DDX1: variants seen among roughly 807,000 people sequenced by gnomAD.
DDX1 encodes the protein DEAD-box helicase 1, also known as ATP-dependent RNA helicase DDX1.
DDX1 carries 28 observed loss-of-function variants against 108.7 expected under a neutral mutation model. That is an observed-to-expected ratio of 0.26 (90% CI 0.19 to 0.35). The LOEUF is 0.35. Ranked by LOEUF, DDX1 falls within the 10% of genes least tolerant of loss-of-function variation. DDX1 has a pLI of 1.00. For missense variants in DDX1, 710 were observed against 884.5 expected, an observed-to-expected ratio of 0.80 and a Z score of 2.50; for synonymous variants, 295 against 288.9, an observed-to-expected ratio of 1.02 and a Z score of -0.21.
intron 13 of DDX1, among the ~76,000 whole-genome samples, chr2:15,612,242 T>C (rs1399742458): frequency 6.7e-6 from 1 of 149,892 alleles, no homozygotes; most frequent in Non-Finnish European, 1.5e-5. Flanking sequence ...CGCTCCTCAC[T>C]TCTCAGACGG....
chr2:15,621,947 C>T (rs574337743), intron 18 of DDX1, among the ~76,000 whole-genome samples: 72 of 152,340 alleles, frequency 4.7e-4, no homozygotes, highest in African/African-American at 1.6e-3. Flanking sequence ...AGCCACTGCA[C>T]CCAGCCACAA....
chr2:15,593,599 G>T (rs10169288), intron 1 of DDX1, among the ~76,000 whole-genome samples: 1 of 151,984 alleles, frequency 6.6e-6, no homozygotes, highest in East Asian at 1.9e-4. Flanking sequence ...ATTTTGCAAA[G>T]AGCTTCAGCT....
rs1665534322 is a variant in DDX1, at chr2:15,598,333, A to G, written c.259+862A>G. On this transcript the variant is annotated intron_variant, in intron 5 of 25. Transcript: ENST00000233084. ...ATGTAACTATTTACACTATTGGCCT[A>G]TTCTAAAATAGTTTCAGAATTTGTA... is the stretch of plus-strand genomic sequence containing the variant. Among the ~76,000 whole-genome samples the G allele has an allele frequency of 4.6e-5, 7 of 152,324 alleles. No homozygotes were observed. In the South Asian group the frequency reaches 1.4e-3, roughly 32 times the overall value.
chr2:15,610,304 C>T (rs985593435), intron 13 of DDX1, among the ~76,000 whole-genome samples: 2 of 152,104 alleles, frequency 1.3e-5, no homozygotes, highest in African/African-American at 2.4e-5. Context: ...TCTCTTTTGT[C>T]ATGGTGTTTT....
chr2:15,611,497 G>A (rs1447637101), intron 13 of DDX1, among the ~76,000 whole-genome samples: 2 of 144,048 alleles, frequency 1.4e-5, no homozygotes, highest in South Asian at 2.3e-4. Context: ...GGACGGGGCG[G>A]CTGGCCGGGC....
chr2:15,592,114 G>T (rs73915402), intron 1 of DDX1, among the ~76,000 whole-genome samples, 165 bp downstream of exon 1: 2 of 152,138 alleles, frequency 1.3e-5, no homozygotes, highest in African/African-American at 4.8e-5. Flanking sequence ...GATCAGGGGC[G>T]GCCGCGGCTC....
chr2:15,620,109 A>G, intron 16 of DDX1, 99 bp from the exon 17 acceptor site: 1 of 1,079,964 alleles, frequency 9.3e-7, no homozygotes, highest in Non-Finnish European at 1.4e-6. Context: ...TTATCTTTGG[A>G]GTCTAGGCTA....
chr2:15,626,950 A>G lies in DDX1; in HGVS notation c.1595-104A>G, dbSNP rs184168414. On this transcript the variant is annotated intron_variant, in intron 19 of 25. Transcript: ENST00000233084. ...ATAGCAAGTTGGGGCATAGATTTTTATGGAATTGTGTGGCACTATTGTAGT... is the reference window on the plus strand; with the variant it reads ...ATAGCAAGTTGGGGCATAGATTTTTGTGGAATTGTGTGGCACTATTGTAGT... 256 of 636,492 alleles carry G rather than the reference A, an allele frequency of 4.0e-4. 1 individual carries two copies. The Middle Eastern group carries it at 4.8e-3, about 12-fold the overall frequency. 39.4% of individuals were successfully genotyped at this position (636,492 alleles called of 1,614,324 possible).
At chr2:15,600,509 C>T (rs1278798040) in intron 6 of DDX1, among the ~76,000 whole-genome samples, 1 of 152,128 alleles carries the variant, frequency 6.6e-6, no homozygotes, top group African/African-American at 2.4e-5. Context: ...TTTGCTCTTC[C>T]CCACATTTAC....
chr2:15,629,952 T>C (rs374454633), intron 24 of DDX1, 38 bp from the exon 25 acceptor site: 24 of 1,547,620 alleles, frequency 1.6e-5, no homozygotes, highest in Non-Finnish European at 2.0e-5. Context: ...TCTTTCTAAA[T>C]GAAATTTTTA....
At chr2:15,621,606 T>A (rs1308773075) in intron 18 of DDX1, among the ~76,000 whole-genome samples, 1 of 151,462 alleles carries the variant, frequency 6.6e-6, no homozygotes, top group Non-Finnish European at 1.5e-5. Flanking sequence ...ATGCCTGGCC[T>A]TAATCATTGA....
At chr2:15,612,107 TC>T (rs1665778478) in intron 13 of DDX1, among the ~76,000 whole-genome samples, 1 of 127,160 alleles carries the variant, frequency 7.9e-6, no homozygotes, top group Non-Finnish European at 1.6e-5. Context: ...CCCACCTCCC[TC>T]CCGGACGGGG....
chr2:15,613,436 T>C (rs976017142), intron 14 of DDX1, 152 bp downstream of exon 14: 22 of 491,246 alleles, frequency 4.5e-5, no homozygotes, highest in Non-Finnish European at 5.8e-5. Context: ...CAAGTGCGCC[T>C]TTTCTTCTCC....
At chr2:15,613,028 G>C (rs577988001) in intron 13 of DDX1, among the ~76,000 whole-genome samples, 196 bp from the exon 14 acceptor site, 1 of 152,040 alleles carries the variant, frequency 6.6e-6, no homozygotes, top group African/African-American at 2.4e-5. Context: ...CGTGGGGAGA[G>C]GGAGAGGGGG....
chr2:15,613,660 G>T (rs868619811), intron 14 of DDX1, among the ~76,000 whole-genome samples: 1 of 152,264 alleles, frequency 6.6e-6, no homozygotes, highest in East Asian at 1.9e-4. Context: ...AGTTCCTGCA[G>T]TGACTCTTGG....
At position 15,607,243 on chromosome 2, in the gene DDX1, C is replaced by T. The variant is rs146433321; in HGVS notation, c.886C>T (p.Arg296Trp). ...APKALIVEPS[R>W]ELAEQTLNNI... Reference sequence around the variant, plus strand: ...GAAAGCTCTCATTGTTGAACCTTCCCGGGAGTTAGCTGAACAAACTTTGAA... The same window carrying T: ...GAAAGCTCTCATTGTTGAACCTTCCTGGGAGTTAGCTGAACAAACTTTGAA... The change falls in exon 13 of 26, where the codon CGG becomes TGG. Residue 296 changes from arginine to tryptophan, a missense_variant. Around this residue, in one of 3 missense-constraint regions of DDX1, gnomAD observed 661 missense variants for 810.2 expected, o/e 0.82. Coordinates refer to ENST00000233084, the MANE Select transcript of DDX1 (RefSeq NM_004939.3). 5.5e-5 allele frequency: 89 copies of T among 1,613,386 alleles called. No individual in the cohort carries two copies. Among genetic ancestry groups the T allele is most frequent in the South Asian group, 1.9e-4 (17 of 91,060 alleles).
intron 14 of DDX1, among the ~76,000 whole-genome samples, chr2:15,613,905 C>T (rs1259215132): frequency 2.0e-5 from 3 of 146,812 alleles, no homozygotes; most frequent in African/African-American, 7.5e-5. Flanking sequence ...GACATGTTCT[C>T]GGCTCATTGC....
chr2:15,610,821 A>G (rs1665738921), intron 13 of DDX1, among the ~76,000 whole-genome samples: 1 of 139,242 alleles, frequency 7.2e-6, no homozygotes, highest in African/African-American at 3.0e-5. Context: ...AGATACAGCT[A>G]CGGGGATTTA....
intron 1 of DDX1, among the ~76,000 whole-genome samples, chr2:15,594,880 A>G (rs1033879355): frequency 6.6e-6 from 1 of 152,240 alleles, no homozygotes; most frequent in Non-Finnish European, 1.5e-5. Context: ...TAGCCCTGCA[A>G]GGTAGGCAAT....
Sources: gnomAD v4.1 joint callset for allele counts (sites outside exome capture counted in the v4.1 genomes callset) on GRCh38, gnomAD v4.1.1 for gene constraint, gnomAD v4.1.1 regional missense constraint, MANE v1.5 for transcripts, NCBI Gene and HGNC (gene_info 2026-07-23, HGNC 2026-07-21) for gene names.